RABGEF1: variants seen among roughly 807,000 people sequenced by gnomAD.
RABGEF1 encodes rab5 GDP/GTP exchange factor.
Under a neutral mutation model 57.3 loss-of-function variants are expected in RABGEF1, and 26 were observed. The observed-to-expected ratio is 0.45, with a 90% confidence interval of 0.33 to 0.63. The LOEUF (loss-of-function observed/expected upper bound fraction) is 0.63. Ranked by LOEUF, RABGEF1 falls within the 20% of genes least tolerant of loss-of-function variation. The pLI is 0.02. For synonymous variants in RABGEF1, 185 were observed against 210.7 expected (o/e 0.88, Z 1.06); for missense variants, 464 against 607.6 (o/e 0.76, Z 2.48).
At chr7:66,740,184 G>C (rs768750782), upstream of RABGEF1, 1 of 152,738 alleles carries the variant, frequency 6.5e-6, no homozygotes, top group Non-Finnish European at 1.5e-5. Context: ...TGTGGCCCAG[G>C]CTGGTCTCGA....
At chr7:66,795,486 C>T (rs1813811921) in intron 4 of RABGEF1, 25 bp from the exon 5 acceptor site, 1 of 1,563,890 alleles carries the variant, frequency 6.4e-7, no homozygotes, top group Admixed American at 1.7e-5. Context: ...CAGCTACAAG[C>T]AGCCTCTTTG....
the RABGEF1 span, chr7:66,669,721 C>G: frequency 2.6e-5 from 4 of 152,244 alleles, no homozygotes; most frequent in Non-Finnish European, 5.9e-5. Context: ...GTCCAAAAGT[C>G]AACTCTTGGT....
At chr7:66,707,086 G>T (rs776631924) in intron 1 of RABGEF1, among the ~76,000 whole-genome samples, 1 of 152,030 alleles carries the variant, frequency 6.6e-6, no homozygotes, top group Non-Finnish European at 1.5e-5. Flanking sequence ...CGCCCGGCCC[G>T]TACTGGTTAT....
intron 1 of RABGEF1, among the ~76,000 whole-genome samples, chr7:66,767,337 T>C (rs1805999339): frequency 1.3e-5 from 2 of 151,930 alleles, no homozygotes; most frequent in Admixed American, 6.6e-5. Flanking sequence ...TAGAGTAAAA[T>C]TGATCTGGGA....
intron 8 of RABGEF1, among the ~76,000 whole-genome samples, chr7:66,806,563 A>T (rs947079343): frequency 1.3e-4 from 20 of 151,772 alleles, no homozygotes; most frequent in African/African-American, 4.6e-4. Context: ...CCTCCCAGGC[A>T]CATGGTGGTT....
At chr7:66,737,085 A>C (rs182407700), upstream of RABGEF1, among the ~76,000 whole-genome samples, 1 of 130,234 alleles carries the variant, frequency 7.7e-6, no homozygotes, top group African/African-American at 2.8e-5. Context: ...AGAGAGAGAG[A>C]GCGAGAGCGA....
chr7:66,748,607 A>G (rs569835140), intron 1 of RABGEF1, among the ~76,000 whole-genome samples: 1 of 152,352 alleles, frequency 6.6e-6, no homozygotes, highest in African/African-American at 2.4e-5. Flanking sequence ...GAATAAAATC[A>G]TAACGGCTAG....
In RABGEF1 at chr7:66,685,931, C is replaced by G. The variant is rs372875268; in HGVS notation, c.-873+3673C>G. Among the ~76,000 whole-genome samples the G allele has an allele frequency of 3.5e-4, 54 of 152,256 alleles. No homozygotes were observed. In the South Asian group the frequency reaches 7.9e-3, roughly 22 times the overall value. On this transcript the variant is annotated intron_variant and NMD_transcript_variant, in intron 1 of 9. Coordinates refer to the RABGEF1 transcript ENST00000607882. The stretch of plus-strand genomic sequence containing the variant: ...GGAAATACCTGTGTAAACCTAACAC[C>G]TGTGACTCAGAATAGAAATGGTACC...
chr7:66,692,033 A>G (rs2707841), intron 1 of RABGEF1, among the ~76,000 whole-genome samples: 75,969 of 151,978 alleles, frequency 0.5, 19,976 homozygotes, highest in East Asian at 0.74. Context: ...CTCCAGCTTG[A>G]GCGACAAAGC....
At chr7:66,779,826 C>T (rs774484194) in intron 3 of RABGEF1, among the ~76,000 whole-genome samples, 3 of 152,146 alleles carry the variant, frequency 2.0e-5, no homozygotes, top group African/African-American at 7.2e-5. Context: ...ATCTTACACA[C>T]GGAATCCCTA....
chr7:66,662,397 G>T, the RABGEF1 span, among the ~76,000 whole-genome samples: 1 of 152,250 alleles, frequency 6.6e-6, no homozygotes, highest in African/African-American at 2.4e-5. Flanking sequence ...AGTTGAGGCT[G>T]CAGTGAGACT....
At chr7:66,782,795 A>C (rs1810272369) in intron 3 of RABGEF1, among the ~76,000 whole-genome samples, 2 of 152,184 alleles carry the variant, frequency 1.3e-5, no homozygotes, top group South Asian at 2.1e-4. Context: ...CAAAAAAAAA[A>C]TAAAACATAC....
chr7:66,809,913 C>T lies in RABGEF1; in HGVS notation c.*629C>T, dbSNP rs1409037448. On this transcript the variant is annotated 3_prime_UTR_variant, in exon 9 of 9. Coordinates refer to ENST00000284957, the MANE Select transcript of RABGEF1 (RefSeq NM_014504.3). ...AAGATGTGCACTCCATCTTTAAGAA[C>T]GTGTTAGCCTTAACTTTGAGGTTCT... 1.3e-5 allele frequency: 2 copies of T among 152,630 alleles called. No individual in the cohort carries two copies. Among genetic ancestry groups the T allele is most frequent in the African/African-American group, 4.8e-5 (2 of 41,444 alleles). 9.5% of individuals were successfully genotyped at this position (152,630 alleles called of 1,614,324 possible).
chr7:66,797,534 A>G (rs1194334154), intron 6 of RABGEF1, 28 bp downstream of exon 6: 2 of 1,598,220 alleles, frequency 1.3e-6, no homozygotes, highest in South Asian at 1.1e-5. Flanking sequence ...TTTGCTTTGT[A>G]GTTACTACCT....
chr7:66,715,525 A>G (rs1441308947), intron 2 of RABGEF1, among the ~76,000 whole-genome samples: 1 of 152,170 alleles, frequency 6.6e-6, no homozygotes, highest in Non-Finnish European at 1.5e-5. Flanking sequence ...ATTTTCATTC[A>G]AATTAAAATA....
the RABGEF1 span, among the ~76,000 whole-genome samples, chr7:66,675,160 C>A: frequency 6.6e-6 from 1 of 152,040 alleles, no homozygotes; most frequent in Non-Finnish European, 1.5e-5. Context: ...ATTTTACAGA[C>A]AGGGAAATTG....
rs191333176 is a variant in RABGEF1, at chr7:66,727,128, C to A, written c.-814-12868C>A. ...ATTGTATGGTGTGTGAATTTTATTA[C>A]AATAAAGCTATTCTTTTAATAAAAG... is the stretch of plus-strand genomic sequence containing the variant. On this transcript the variant is annotated intron_variant and NMD_transcript_variant, in intron 2 of 9. Transcript: ENST00000607882. 2.6e-5 allele frequency among the ~76,000 whole-genome samples: 4 copies of A among 152,292 alleles called. No homozygotes were observed. In the East Asian group the frequency reaches 7.7e-4, roughly 29 times the overall value.
chr7:66,671,500 A>G, the RABGEF1 span, among the ~76,000 whole-genome samples: 1 of 152,230 alleles, frequency 6.6e-6, no homozygotes, highest in Non-Finnish European at 1.5e-5. Flanking sequence ...GGTGTGTAGC[A>G]GTGGTTACCA....
At chr7:66,777,926 T>C (rs1475303279) in intron 3 of RABGEF1, among the ~76,000 whole-genome samples, 1 of 152,242 alleles carries the variant, frequency 6.6e-6, no homozygotes, top group African/African-American at 2.4e-5. Context: ...TACTTTAGAT[T>C]GTTTGTTCTT....
Sources: allele counts gnomAD v4.1 joint callset (sites outside exome capture counted in the v4.1 genomes callset), GRCh38; gene constraint gnomAD v4.1.1; transcripts MANE v1.5; gene names NCBI Gene and HGNC (gene_info 2026-07-23, HGNC 2026-07-21).